Variants in SESN1 observed in about 807,000 individuals in gnomAD.
SESN1 encodes the protein sestrin-1.
A neutral mutation model predicts 59.3 loss-of-function variants in SESN1; 30 were observed. The ratio of observed to expected loss-of-function variants is 0.51; its 90% CI spans 0.38 to 0.69. The LOEUF is 0.69. Ranked by LOEUF, SESN1 falls within the 30% of genes least tolerant of loss-of-function variation. The pLI, the probability that SESN1 is intolerant of heterozygous loss-of-function variation, is 0.00. For missense variants in SESN1, 566 were observed against 673.0 expected, an observed-to-expected ratio of 0.84 and a Z score of 1.76; for synonymous variants, 197 against 219.9, an observed-to-expected ratio of 0.90 and a Z score of 0.92.
intron 1 of SESN1, among the ~76,000 whole-genome samples, chr6:109,083,732 C>A (rs1781162367): frequency 1.3e-5 from 2 of 152,202 alleles, no homozygotes. Flanking sequence ...TTACTTTTTA[C>A]TTTTGAAAGG....
chr6:109,038,261 G>A (rs1044924316), intron 1 of SESN1, among the ~76,000 whole-genome samples: 3 of 152,238 alleles, frequency 2.0e-5, no homozygotes, highest in Non-Finnish European at 4.4e-5. Flanking sequence ...GAGAGACCAA[G>A]GTGGGCAGAT....
chr6:109,058,217 T>C (rs937307567), intron 1 of SESN1, among the ~76,000 whole-genome samples: 2 of 152,180 alleles, frequency 1.3e-5, no homozygotes, highest in African/African-American at 4.8e-5. Flanking sequence ...CCCAAGTAGC[T>C]GGACCTACAG....
intron 1 of SESN1, among the ~76,000 whole-genome samples, chr6:109,015,743 A>T (rs1779918431): frequency 6.6e-6 from 1 of 152,350 alleles, no homozygotes; most frequent in South Asian, 2.1e-4. Flanking sequence ...GTTTTAAAGA[A>T]GGAGAAGGAA....
chr6:109,015,913 T>C (rs1027821399), intron 1 of SESN1, among the ~76,000 whole-genome samples: 1 of 152,370 alleles, frequency 6.6e-6, no homozygotes, highest in Admixed American at 6.5e-5. Context: ...GAAATTCTCA[T>C]AGTGCTTCTA....
chr6:109,044,420 G>T (rs1780391360), intron 1 of SESN1, among the ~76,000 whole-genome samples: 1 of 147,668 alleles, frequency 6.8e-6, no homozygotes, highest in African/African-American at 2.5e-5. Flanking sequence ...GAAATAATAG[G>T]ACATCCATAC....
intron 5 of SESN1, among the ~76,000 whole-genome samples, chr6:108,995,551 C>G (rs11153151): frequency 0.098 from 14,978 of 152,196 alleles, 902 homozygotes; most frequent in Middle Eastern, 0.19. Context: ...TACTTCTATA[C>G]CCTGCTGCAT....
chr6:109,009,699 G>T (rs1032583711), intron 1 of SESN1: 3 of 339,040 alleles, frequency 8.8e-6, no homozygotes, highest in Non-Finnish European at 1.3e-5. Context: ...GGGAACTGGC[G>T]GTCTGACGCG....
intron 1 of SESN1, among the ~76,000 whole-genome samples, chr6:109,068,064 G>A (rs751097148): frequency 1.3e-5 from 2 of 152,200 alleles, no homozygotes; most frequent in Non-Finnish European, 2.9e-5. Context: ...AGACCTCACT[G>A]AGTTCCAGTA....
In SESN1 at chr6:109,047,140, G is replaced by A. The variant is rs867152748; in HGVS notation, c.280-44797C>T. ...TGGGAAGTGAGGAGCCCCTCTGCCC[G>A]GCCAGCCGCCCGGTCCGGGAGGGAG... On this transcript the variant is annotated intron_variant, in intron 1 of 9. Transcript: ENST00000436639. Among the ~76,000 whole-genome samples, 279 of 30,314 alleles carry A rather than the reference G, an allele frequency of 9.2e-3. 3 individuals carry two copies. The highest frequency in any genetic ancestry group is 0.042 in the Middle Eastern group (1 of 24). 19.9% of individuals were successfully genotyped at this position (30,314 alleles called of 152,430 possible). A position where few individuals can be genotyped will look rare whatever the true frequency, so the allele number is the denominator to read the frequency against.
At chr6:109,064,365 T>G (rs1414925449) in intron 1 of SESN1, among the ~76,000 whole-genome samples, 1 of 151,358 alleles carries the variant, frequency 6.6e-6, no homozygotes, top group Non-Finnish European at 1.5e-5. Flanking sequence ...TGGAAAATAG[T>G]GTATTTAGCT....
intron 1 of SESN1, among the ~76,000 whole-genome samples, chr6:109,046,897 G>C (rs555954623): frequency 4.1e-5 from 5 of 121,314 alleles, no homozygotes; most frequent in Non-Finnish European, 8.9e-5. Context: ...CAGCTGCCCC[G>C]TCTGAGAAGT....
chr6:109,066,061 C>T (rs1031343648), intron 1 of SESN1, among the ~76,000 whole-genome samples: 6 of 152,004 alleles, frequency 3.9e-5, no homozygotes, highest in African/African-American at 1.4e-4. Context: ...TAAACGAATA[C>T]AATAGTTCCT....
intron 1 of SESN1, chr6:109,009,351 C>T (rs755374285): frequency 6.3e-5 from 92 of 1,470,538 alleles, no homozygotes; most frequent in Admixed American, 5.2e-4. Context: ...AGCCCCTCGC[C>T]CAGGTACCTC....
chr6:109,001,452 C>A lies in SESN1; in HGVS notation c.382G>T (p.Ala128Ser), dbSNP rs1186849805. 6.2e-7 allele frequency: 1 copy of A among 1,613,710 alleles called. No homozygotes were observed. Among genetic ancestry groups the A allele is most frequent in the Non-Finnish European group, 8.5e-7 (1 of 1,179,764 alleles). The change falls in exon 3 of 10, where the codon GCT becomes TCT. Residue 128 changes from alanine (A) to serine (S), a missense_variant. By Grantham distance (99) the Ala-to-Ser change is moderately conservative (BLOSUM62 1). Transcript: ENST00000436639. ...GCAGCAAAAGAATCTGCAAATAAAG[C>A]ATGCATCTGTGCGTCTTCACTCCCC... ...QVGSEDAQMH[A>S]LFADSFAALG...
At chr6:109,042,109 G>A (rs112928431) in intron 1 of SESN1, among the ~76,000 whole-genome samples, 7 of 152,100 alleles carry the variant, frequency 4.6e-5, no homozygotes, top group Non-Finnish European at 4.4e-5. Flanking sequence ...AATAATTCAT[G>A]AGTGAAAGAG....
chr6:108,998,168 C>T (rs1779539320), intron 5 of SESN1, among the ~76,000 whole-genome samples: 1 of 152,164 alleles, frequency 6.6e-6, no homozygotes, highest in African/African-American at 2.4e-5. Flanking sequence ...ACCACCAGGC[C>T]ACACTATTTT....
chr6:109,074,775 G>A (rs1399448894), intron 1 of SESN1, among the ~76,000 whole-genome samples: 1 of 152,204 alleles, frequency 6.6e-6, no homozygotes, highest in Non-Finnish European at 1.5e-5. Context: ...ACACAGAAGA[G>A]ATTTGACTCA....
chr6:109,054,057 ATTTCT>A (rs1338740739), intron 1 of SESN1, among the ~76,000 whole-genome samples: 4 of 151,066 alleles, frequency 2.6e-5, no homozygotes, highest in African/African-American at 9.8e-5. Flanking sequence ...TTGGCAAGAC[ATTTCT>A]TTTCGTTTTT....
At chr6:109,054,452 A>G (rs779668578) in intron 1 of SESN1, among the ~76,000 whole-genome samples, 27 of 152,186 alleles carry the variant, frequency 1.8e-4, no homozygotes, top group Non-Finnish European at 4.0e-4. Flanking sequence ...GTGAAGAAAT[A>G]TTATTTTTGC....
Sources: gnomAD v4.1 joint callset for allele counts (sites outside exome capture counted in the v4.1 genomes callset) on GRCh38, gnomAD v4.1.1 for gene constraint, MANE v1.5 for transcripts, NCBI Gene and HGNC (gene_info 2026-07-23, HGNC 2026-07-21) for gene names.